Variants in SYT14 observed in about 807,000 individuals in gnomAD.
SYT14 encodes the protein synaptotagmin-14.
SYT14 carries 32 observed loss-of-function variants against 74.2 expected under a neutral mutation model. That is an observed-to-expected ratio of 0.43 (90% confidence interval 0.33 to 0.58). The LOEUF (loss-of-function observed/expected upper bound fraction) is 0.58. Among genes scored for constraint, SYT14 ranks in the 20% least tolerant of loss-of-function variants. The probability of loss-of-function intolerance (pLI) is 0.05; values close to 1 mark genes in which losing one functional copy is unlikely to be tolerated. For missense variants in SYT14, 791 were observed against 981.8 expected (o/e 0.81, Z 2.60); for synonymous variants, 298 against 337.7 (o/e 0.88, Z 1.29).
At chr1:210,141,679 G>C (rs1393050136) in intron 7 of SYT14, among the ~76,000 whole-genome samples, 1 of 152,156 alleles carries the variant, frequency 6.6e-6, no homozygotes, top group African/African-American at 2.4e-5. Context: ...GCTAACAACT[G>C]GACAGAGATT....
intron 2 of SYT14, among the ~76,000 whole-genome samples, chr1:209,993,757 C>G (rs61820396): frequency 0.19 from 28,179 of 152,068 alleles, 3,469 homozygotes; most frequent in Middle Eastern, 0.28. Context: ...CTTCTCCTTC[C>G]CCTCTCCCCA....
intron 7 of SYT14, among the ~76,000 whole-genome samples, chr1:210,110,099 A>G (rs1450635863): frequency 6.6e-6 from 1 of 152,126 alleles, no homozygotes; most frequent in Admixed American, 6.6e-5. Context: ...GGGGAACATC[A>G]CACACCGAGG....
chr1:209,987,550 C>T (rs930443694), intron 2 of SYT14, among the ~76,000 whole-genome samples: 3 of 152,220 alleles, frequency 2.0e-5, no homozygotes, highest in Non-Finnish European at 4.4e-5. Flanking sequence ...CAGCACCAAG[C>T]TGTAAAGGAT....
At chr1:209,961,047 C>T (rs574419273) in intron 2 of SYT14, among the ~76,000 whole-genome samples, 16 of 152,128 alleles carry the variant, frequency 1.1e-4, no homozygotes, top group Non-Finnish European at 2.1e-4. Context: ...ACTTTATGGA[C>T]AAATGGAAAT....
chr1:210,009,944 CTCT>C (rs1034635180), intron 2 of SYT14, among the ~76,000 whole-genome samples: 13 of 152,182 alleles, frequency 8.5e-5, no homozygotes, highest in Middle Eastern at 3.4e-3. Flanking sequence ...TTATCCTCAA[CTCT>C]TCTTCTTTCT....
intron 1 of SYT14, among the ~76,000 whole-genome samples, chr1:209,950,519 A>G (rs1172525238): frequency 6.6e-6 from 1 of 152,150 alleles, no homozygotes; most frequent in African/African-American, 2.4e-5. Flanking sequence ...TTGCTGAATA[A>G]TTCATTTATA....
intron 9 of SYT14, among the ~76,000 whole-genome samples, chr1:210,159,877 A>G (rs2083339001): frequency 6.6e-6 from 1 of 152,160 alleles, no homozygotes; most frequent in Non-Finnish European, 1.5e-5. Flanking sequence ...TTATAAAGAA[A>G]GGATTTGTCT....
At chr1:210,041,207 G>A (rs2080782268) in intron 5 of SYT14, among the ~76,000 whole-genome samples, 2 of 152,206 alleles carry the variant, frequency 1.3e-5, no homozygotes, top group African/African-American at 4.8e-5. Context: ...GAGAACTGGT[G>A]AGTTTAACAG....
intron 5 of SYT14, among the ~76,000 whole-genome samples, chr1:210,074,941 G>A (rs2081463434): frequency 6.6e-6 from 1 of 152,244 alleles, no homozygotes; most frequent in Non-Finnish European, 1.5e-5. Flanking sequence ...CGCAAGGACA[G>A]AGAGCTTTCT....
At chr1:209,985,819 G>A (rs2079560744) in intron 2 of SYT14, among the ~76,000 whole-genome samples, 1 of 152,230 alleles carries the variant, frequency 6.6e-6, no homozygotes, top group Non-Finnish European at 1.5e-5. Context: ...CTACATGGAA[G>A]CCTCCAAGGC....
At chr1:210,023,506 G>C (rs2080345428) in intron 5 of SYT14, among the ~76,000 whole-genome samples, 1 of 152,114 alleles carries the variant, frequency 6.6e-6, no homozygotes, top group East Asian at 1.9e-4. Flanking sequence ...ACCATGCCCA[G>C]CTAATTTTTG....
At chr1:210,166,790 A>G (rs2083460374) in exon 10 of SYT14, 1 of 152,194 alleles carries the variant, frequency 6.6e-6, no homozygotes, top group Admixed American at 6.5e-5. Flanking sequence ...TTGATATAGA[A>G]TATTAAGTGT....
chr1:210,163,061 A>C (rs750001187), exon 10 of SYT14: 1 of 453,246 alleles, frequency 2.2e-6, no homozygotes, highest in South Asian at 1.6e-5. Context: ...AATTGGACTT[A>C]GGCATTTGAA....
At chr1:209,941,072 A>C (rs1485998519) in intron 1 of SYT14, among the ~76,000 whole-genome samples, 1 of 152,200 alleles carries the variant, frequency 6.6e-6, no homozygotes, top group African/African-American at 2.4e-5. Context: ...TCTGTTAAGC[A>C]TACTCTTATT....
chr1:210,154,094 T>G (rs1308179481), intron 7 of SYT14, among the ~76,000 whole-genome samples: 1 of 152,230 alleles, frequency 6.6e-6, no homozygotes, highest in Non-Finnish European at 1.5e-5. Flanking sequence ...TGAAGCCATC[T>G]AGGCCAAAGT....
chr1:210,119,988 C>T (rs11119409), intron 7 of SYT14, among the ~76,000 whole-genome samples: 66,258 of 152,006 alleles, frequency 0.44, 16,780 homozygotes, highest in Non-Finnish European at 0.57. Context: ...TTTTTGGTAA[C>T]GATATCCTCT....
At chr1:210,021,109 T>C (rs2080292676) in exon 5 of SYT14, 2 of 1,613,972 alleles carry the variant, frequency 1.2e-6, no homozygotes, top group Non-Finnish European at 1.7e-6. Flanking sequence ...TGGGTAAATA[T>C]CATGAGGCCT....
At chr1:210,046,256 C>A (rs2080882415) in intron 5 of SYT14, among the ~76,000 whole-genome samples, 1 of 152,082 alleles carries the variant, frequency 6.6e-6, no homozygotes, top group African/African-American at 2.4e-5. Flanking sequence ...CACCTGTAAC[C>A]CCAGCTACTT....
chr1:209,953,699 T>C (rs973821513), intron 2 of SYT14, among the ~76,000 whole-genome samples: 3 of 152,170 alleles, frequency 2.0e-5, no homozygotes, highest in African/African-American at 7.2e-5. Flanking sequence ...CCTTTTTAGG[T>C]GAATTTATGT....
Sources: allele counts gnomAD v4.1 joint callset (sites outside exome capture counted in the v4.1 genomes callset), GRCh38; gene constraint gnomAD v4.1.1; transcripts MANE v1.5; gene names NCBI Gene and HGNC (gene_info 2026-07-23, HGNC 2026-07-21).